Variants in CAMK2B observed in about 807,000 individuals in gnomAD.
CAMK2B encodes calcium/calmodulin dependent protein kinase II beta.
In CAMK2B, 27 loss-of-function variants were observed where a neutral mutation model predicts 93.7. That is an observed-to-expected ratio of 0.29 (90% CI 0.21 to 0.40). The LOEUF (loss-of-function observed/expected upper bound fraction) is 0.40, where lower values mean the gene tolerates loss of function less well. Ranked by LOEUF, CAMK2B falls within the 10% of genes least tolerant of loss-of-function variation. CAMK2B has a pLI of 1.00. For synonymous variants in CAMK2B, 374 were observed against 358.8 expected (o/e 1.04, Z -0.48); for missense variants, 568 against 895.8 (o/e 0.63, Z 4.67).
rs556428305 is a variant in CAMK2B, at chr7:44,312,380, G to A, written c.65+12977C>T. Among the ~76,000 whole-genome samples the A allele has an allele frequency of 1.1e-4, 16 of 152,308 alleles. No homozygotes were observed. Among genetic ancestry groups the A allele is most frequent in the Non-Finnish European group, 2.4e-4 (16 of 68,022 alleles). Reference sequence around the variant, plus strand: ...GCAAAGCCCCAGAACGGCCTTCAGAGCTAGGGACAAGCCACCGAGTACCTG... The same window carrying A: ...GCAAAGCCCCAGAACGGCCTTCAGAACTAGGGACAAGCCACCGAGTACCTG... On this transcript the variant is annotated intron_variant, in intron 1 of 23. Transcript: ENST00000395749. The surrounding 1 kb of genome is among the most constrained non-coding windows in gnomAD (Gnocchi z 4.1).
chr7:44,247,899 G>A, intron 5 of CAMK2B, among the ~76,000 whole-genome samples: 1 of 152,148 alleles, frequency 6.6e-6, no homozygotes, highest in Admixed American at 6.5e-5. Flanking sequence ...GTGGTGGTGG[G>A]CGGCTGTAAT....
In CAMK2B at chr7:44,254,571, C is replaced by T. The variant is rs377341574; in HGVS notation, c.312G>A (p.Ala104=). 25 of 1,612,366 alleles carry T rather than the reference C, an allele frequency of 1.6e-5. No individual in the cohort carries two copies. The highest frequency in any genetic ancestry group is 4.5e-5 in the East Asian group (2 of 44,684). Residue 104 remains alanine (A), a synonymous_variant, in exon 5 of 24, where the codon GCG becomes GCA. Coordinates refer to ENST00000395749, the MANE Select transcript of CAMK2B (RefSeq NM_001220.5). The part of the protein sequence containing the change: ...TGGELFEDIV[A]REYYSEADAS... ...CATCAGCCTCGCTGTAGTACTCTCTCGCCACAATGTCTTCAAAGAGCTCCC... is the reference window on the plus strand; with the variant it reads ...CATCAGCCTCGCTGTAGTACTCTCTTGCCACAATGTCTTCAAAGAGCTCCC...
At chr7:44,220,964 A>G (rs2096395678) in intron 20 of CAMK2B, 63 bp from the exon 21 acceptor site, 1 of 1,375,386 alleles carries the variant, frequency 7.3e-7, no homozygotes, top group Non-Finnish European at 1.0e-6. Context: ...ACCCCTCCAC[A>G]CAGCCCAGGG....
chr7:44,223,857 T>C (rs1003573), intron 20 of CAMK2B, among the ~76,000 whole-genome samples: 92,549 of 151,902 alleles, frequency 0.61, 28,210 homozygotes, highest in Admixed American at 0.66. Context: ...TTAGTTAACC[T>C]CCCTTTCTAA....
chr7:44,272,843 TC>T (rs1476784859), intron 2 of CAMK2B, among the ~76,000 whole-genome samples: 2 of 152,220 alleles, frequency 1.3e-5, no homozygotes, highest in African/African-American at 2.4e-5. Context: ...AGTGCCCTTT[TC>T]AGGATCAGAA....
At position 44,225,676 on chromosome 7, in the gene CAMK2B, C is replaced by T. The variant is rs2096466669; in HGVS notation, c.1597+840G>A. On this transcript the variant is annotated intron_variant, in intron 20 of 23. Coordinates refer to ENST00000395749, the MANE Select transcript of CAMK2B (RefSeq NM_001220.5). The surrounding 1 kb of genome is among the most constrained non-coding windows in gnomAD (Gnocchi z 5.0). Reference sequence around the variant, plus strand: ...GTGGGTTCACTCTCCCCACACCCTTCTGCCCTGGCCGCCTGCAGCAGCCCC... The same window carrying T: ...GTGGGTTCACTCTCCCCACACCCTTTTGCCCTGGCCGCCTGCAGCAGCCCC... 1 of 1,226,086 alleles carries T rather than the reference C, an allele frequency of 8.2e-7. No homozygotes were observed. The highest frequency in any genetic ancestry group is 1.5e-5 in the African/African-American group (1 of 64,642). The allele number at this position is 1,226,086 out of a possible 1,614,324, so 76.0% of individuals were successfully genotyped here.
rs2096362736 is a variant in CAMK2B at position 44,218,595 on chromosome 7, G to A, written c.*930C>T. The A allele has an allele frequency of 6.6e-6, 1 of 152,380 alleles. No homozygotes were observed. Among genetic ancestry groups the A allele is most frequent in the Non-Finnish European group, 1.5e-5 (1 of 68,128 alleles). 9.4% of individuals were successfully genotyped at this position (152,380 alleles called of 1,614,324 possible). A position where few individuals can be genotyped will look rare whatever the true frequency, so the allele number is the denominator to read the frequency against. On this transcript the variant is annotated 3_prime_UTR_variant, in exon 24 of 24. Transcript: ENST00000395749. ...GCTGCTGGCCAGCAGAGAAGGGACA[G>A]ACACCTCACACAGGAGGGGGGCCAG...
At position 44,265,832 on chromosome 7, in the gene CAMK2B, A is replaced by C. The variant is rs577767140; in HGVS notation, c.161-2768T>G. 2.0e-5 allele frequency among the ~76,000 whole-genome samples: 3 copies of C among 151,978 alleles called. No homozygotes were observed. In the South Asian group the frequency reaches 6.2e-4, roughly 32 times the overall value. On this transcript the variant is annotated intron_variant, in intron 2 of 23. Coordinates refer to ENST00000395749, the MANE Select transcript of CAMK2B (RefSeq NM_001220.5). ...TAACACCCACAACAGCACCTCGACC[A>C]CCTCCTCCCAGCAGCTGCAGTAAGT...
intron 1 of CAMK2B, chr7:44,323,726 GACA>G (rs1796745849): frequency 6.5e-6 from 1 of 154,950 alleles, no homozygotes; most frequent in Non-Finnish European, 1.5e-5. Flanking sequence ...AAGCAGAAAA[GACA>G]ACAAGAAGGC....
At chr7:44,242,190 C>G (rs1454894643) in intron 10 of CAMK2B, 28 bp downstream of exon 10, 1 of 1,602,062 alleles carries the variant, frequency 6.2e-7, no homozygotes, top group Non-Finnish European at 8.5e-7. Flanking sequence ...GAGCCCCCTC[C>G]CCACCATGGG....
rs568846603 is a variant in CAMK2B, at chr7:44,276,776, G to A, written c.160+7355C>T. On this transcript the variant is annotated intron_variant, in intron 2 of 23. Transcript: ENST00000395749. ...CCCACCTGGGAGCCCCACGCTGGCC[G>A]AACCCTCGGCCTGCCTCAGCTGGGT... Among the ~76,000 whole-genome samples the A allele has an allele frequency of 3.3e-5, 5 of 152,292 alleles. No homozygotes were observed. The East Asian group carries it at 9.7e-4, about 29-fold the overall frequency.
chr7:44,290,846 G>A (rs1457475825), intron 1 of CAMK2B, among the ~76,000 whole-genome samples: 1 of 152,122 alleles, frequency 6.6e-6, no homozygotes, highest in Non-Finnish European at 1.5e-5. Context: ...CAAAACTCAC[G>A]TTCACAGTAG....
chr7:44,294,433 A>G (rs1335598299), intron 1 of CAMK2B, among the ~76,000 whole-genome samples: 1 of 152,158 alleles, frequency 6.6e-6, no homozygotes, highest in African/African-American at 2.4e-5. Context: ...ACAGGCATGC[A>G]GAAGGCACTG....
At chr7:44,262,803 G>C (rs993223087) in intron 3 of CAMK2B, among the ~76,000 whole-genome samples, 1 of 152,196 alleles carries the variant, frequency 6.6e-6, no homozygotes, top group Non-Finnish European at 1.5e-5. Flanking sequence ...GAGCACCCCC[G>C]GGAATCATGT....
At chr7:44,309,095 G>A (rs769789186) in intron 1 of CAMK2B, among the ~76,000 whole-genome samples, 1 of 152,198 alleles carries the variant, frequency 6.6e-6, no homozygotes, top group Non-Finnish European at 1.5e-5. Flanking sequence ...CCACCAACGC[G>A]GATTCCACAA....
At chr7:44,232,707 C>CG in intron 16 of CAMK2B, 115 bp downstream of exon 16, 1 of 858,908 alleles carries the variant, frequency 1.2e-6, no homozygotes, top group South Asian at 1.5e-5. Context: ...CGGGGAGGGG[C>CG]GGCCAGGGCA....
chr7:44,228,185 C>T (rs1053663233), intron 19 of CAMK2B, among the ~76,000 whole-genome samples: 2 of 151,904 alleles, frequency 1.3e-5, no homozygotes, highest in African/African-American at 4.8e-5. Context: ...GAGTCACGGG[C>T]GTTACAGAGG....
At position 44,314,400 on chromosome 7, in the gene CAMK2B, C is replaced by T. The variant is rs867468734; in HGVS notation, c.65+10957G>A. Among the ~76,000 whole-genome samples, 14 of 152,350 alleles carry T rather than the reference C, an allele frequency of 9.2e-5. No individual in the cohort carries two copies. The South Asian group carries it at 2.9e-3, about 32-fold the overall frequency. On this transcript the variant is annotated intron_variant, in intron 1 of 23. Transcript: ENST00000395749. ...ATGGCCTTTTGCGACTGGCTTCTTG[C>T]ACTGAGCATGACGTTTTGAACGTTC...
At chr7:44,290,931 G>A (rs1011091054) in intron 1 of CAMK2B, among the ~76,000 whole-genome samples, 15 of 152,160 alleles carry the variant, frequency 9.9e-5, no homozygotes, top group African/African-American at 2.9e-4. Flanking sequence ...TACAGAATGC[G>A]TTGACGTTGC....
Sources: gnomAD v4.1 joint callset for allele counts (sites outside exome capture counted in the v4.1 genomes callset) on GRCh38, gnomAD v4.1.1 for gene constraint, Gnocchi (gnomAD v3.1) non-coding constraint, MANE v1.5 for transcripts, NCBI Gene and HGNC (gene_info 2026-07-23, HGNC 2026-07-21) for gene names.